The following DMD variants were observed in gnomAD, a reference collection of about 807,000 sequenced individuals.
The protein encoded by DMD is mutant dystrophin.
In DMD, 63 loss-of-function variants were observed where a neutral mutation model predicts 330.1. The ratio of observed to expected loss-of-function variants is 0.19; its 90% CI spans 0.16 to 0.24. The LOEUF (loss-of-function observed/expected upper bound fraction) is 0.24. Among genes scored for constraint, DMD ranks in the 10% least tolerant of loss-of-function variants. The pLI, the probability that DMD is intolerant of heterozygous loss-of-function variation, is 1.00. For missense variants in DMD, 3,344 were observed against 2,684.1 expected (o/e 1.25, Z -5.43); for synonymous variants, 1,223 against 959.8 (o/e 1.27, Z -5.07).
intron 13 of DMD, among the ~76,000 whole-genome samples, chrX:32,582,713 T>C (rs1396739460): frequency 2.7e-5 from 3 of 111,762 alleles, no homozygotes; most frequent in Non-Finnish European, 3.8e-5. Context: ...ACTGACCAAC[T>C]GACCAAAACA....
intron 48 of DMD, 120 bp from the exon 49 acceptor site, chrX:31,836,939 A>C: frequency 1.7e-6 from 1 of 576,336 alleles, no homozygotes; most frequent in Non-Finnish European, 2.8e-6. Context: ...CTGGTACATA[A>C]GGGCACAAAA....
chrX:33,249,772 T>C lies in DMD; in HGVS notation c.7+89487A>G, dbSNP rs150734929. On this transcript the variant is annotated intron_variant, in intron 1 of 17. Transcript: ENST00000288447. Reference sequence around the variant, plus strand: ...ATTTCTTCATCATTTCTTTTCTTTTTATATGTTTATTAAACACACACATAT... The same window carrying C: ...ATTTCTTCATCATTTCTTTTCTTTTCATATGTTTATTAAACACACACATAT... Among the ~76,000 whole-genome samples the C allele has an allele frequency of 3.0e-3, 333 of 110,915 alleles. 1 individual carries two copies. Among genetic ancestry groups the C allele is most frequent in the African/African-American group, 0.01 (317 of 30,412 alleles).
chrX:31,665,499 A>T (rs2081375400), intron 53 of DMD, among the ~76,000 whole-genome samples: 1 of 111,704 alleles, frequency 9.0e-6, no homozygotes, highest in Non-Finnish European at 1.9e-5. Flanking sequence ...CCATTTCAAA[A>T]GTAAAGCCTC....
intron 2 of DMD, among the ~76,000 whole-genome samples, chrX:32,871,442 A>G (rs1039494677): frequency 2.0e-4 from 22 of 111,111 alleles, no homozygotes; most frequent in African/African-American, 6.5e-4. Flanking sequence ...CATTCTTGGA[A>G]GCTATATATG....
intron 1 of DMD, among the ~76,000 whole-genome samples, chrX:33,305,415 T>G: frequency 1.8e-5 from 1 of 54,522 alleles, no homozygotes; most frequent in Non-Finnish European, 3.3e-5. Flanking sequence ...CGGGGACTGT[T>G]GTGGGGTGGG....
At chrX:31,564,382 T>C (rs906403380) in intron 55 of DMD, among the ~76,000 whole-genome samples, 1 of 111,591 alleles carries the variant, frequency 9.0e-6, no homozygotes. Flanking sequence ...AATGTAAAGA[T>C]GCATATATAT....
chrX:32,828,651 AC>A (rs2078932899), intron 4 of DMD, among the ~76,000 whole-genome samples: 1 of 110,626 alleles, frequency 9.0e-6, no homozygotes. Flanking sequence ...ACATCTATAT[AC>A]ATATATACAT....
At chrX:31,331,382 T>C (rs1400414208) in intron 61 of DMD, among the ~76,000 whole-genome samples, 1 of 108,521 alleles carries the variant, frequency 9.2e-6, no homozygotes, top group African/African-American at 3.4e-5. Flanking sequence ...CCAGTGCTGA[T>C]GGCTGCACAG....
intron 62 of DMD, among the ~76,000 whole-genome samples, chrX:31,293,753 T>C (rs2053951412): frequency 8.9e-6 from 1 of 112,350 alleles, no homozygotes; most frequent in Non-Finnish European, 1.9e-5. Flanking sequence ...CTATGGGGGT[T>C]ACTGCCAGTG....
At chrX:32,944,888 G>C (rs779756905) in intron 2 of DMD, among the ~76,000 whole-genome samples, 1 of 111,033 alleles carries the variant, frequency 9.0e-6, no homozygotes, top group Non-Finnish European at 1.9e-5. Context: ...TTACAGGCGT[G>C]AGACACCGCA....
At position 31,173,607 on chromosome X, in the gene DMD, A is replaced by G; in HGVS notation, c.10263-3T>C. On this transcript the variant is annotated splice_polypyrimidine_tract_variant and splice_region_variant and intron_variant, in intron 71 of 78. Coordinates refer to ENST00000357033, the MANE Select transcript of DMD (RefSeq NM_004006.3). ...AAAGCTGAGGGGACGAGGCAGGCCT[A>G]TAAGGCAGAAAATGTGATTAGTCAC... 1.7e-6 allele frequency: 2 copies of G among 1,208,581 alleles called. No individual in the cohort carries two copies. Among genetic ancestry groups the G allele is most frequent in the Non-Finnish European group, 2.2e-6 (2 of 893,099 alleles).
intron 50 of DMD, among the ~76,000 whole-genome samples, chrX:31,777,279 G>T (rs1381264837): frequency 1.8e-5 from 2 of 111,289 alleles, no homozygotes; most frequent in African/African-American, 6.5e-5. Context: ...CCACTGCTTG[G>T]AGCAGACAAT....
intron 44 of DMD, among the ~76,000 whole-genome samples, chrX:32,015,443 C>G (rs2095753559): frequency 9.0e-6 from 1 of 110,883 alleles, no homozygotes; most frequent in Admixed American, 9.6e-5. Flanking sequence ...CCCTGGAGAG[C>G]TGGTCACAAC....
intron 9 of DMD, among the ~76,000 whole-genome samples, chrX:32,645,503 C>T (rs768998930): frequency 3.5e-4 from 39 of 111,772 alleles, no homozygotes; most frequent in Non-Finnish European, 7.0e-4. Flanking sequence ...CTTACATATA[C>T]ATTATCAGAA....
chrX:32,407,028 G>T (rs1322636556), intron 30 of DMD, among the ~76,000 whole-genome samples: 4 of 111,422 alleles, frequency 3.6e-5, no homozygotes, highest in Non-Finnish European at 7.5e-5. Flanking sequence ...AACCCTAGAA[G>T]AAAACCTAGG....
intron 1 of DMD, among the ~76,000 whole-genome samples, chrX:33,021,472 G>T (rs1424857698): frequency 9.0e-6 from 1 of 110,903 alleles, no homozygotes; most frequent in East Asian, 2.8e-4. Flanking sequence ...TTATCTACTT[G>T]GATTAAAAGA....
chrX:32,020,105 G>A (rs748384630), intron 44 of DMD, among the ~76,000 whole-genome samples: 2 of 112,705 alleles, frequency 1.8e-5, no homozygotes, highest in Non-Finnish European at 3.8e-5. Flanking sequence ...TACTATCTAC[G>A]TTAAAGCCAG....
chrX:32,882,743 T>C (rs994883235), intron 2 of DMD, among the ~76,000 whole-genome samples: 2 of 112,226 alleles, frequency 1.8e-5, no homozygotes, highest in Non-Finnish European at 3.8e-5. Flanking sequence ...CTGTAGTTAT[T>C]TTTCAAAGTC....
intron 59 of DMD, among the ~76,000 whole-genome samples, chrX:31,451,472 G>A (rs1278571773): frequency 9.2e-6 from 1 of 108,738 alleles, no homozygotes; most frequent in African/African-American, 3.4e-5. Context: ...AGAAGAGATG[G>A]GGTTTCACCA....
Sources: allele counts gnomAD v4.1 joint callset (sites outside exome capture counted in the v4.1 genomes callset), GRCh38; gene constraint gnomAD v4.1.1; transcripts MANE v1.5; gene names NCBI Gene and HGNC (gene_info 2026-07-23, HGNC 2026-07-21).